The following CSMD1 variants were observed in gnomAD, a reference collection of about 807,000 sequenced individuals.
CSMD1 encodes CUB and Sushi multiple domains 1, also known as CUB and sushi domain-containing protein 1.
A neutral mutation model predicts 417.5 loss-of-function variants in CSMD1; 213 were observed. The observed-to-expected ratio is 0.51, with a 90% CI of 0.46 to 0.57. The LOEUF is 0.57. Ranked by LOEUF, CSMD1 falls within the 20% of genes least tolerant of loss-of-function variation. The pLI is 0.00. For synonymous variants in CSMD1, 2,862 were observed against 1,736.8 expected (o/e 1.65, Z -16.11); for missense variants, 6,923 against 4,529.7 (o/e 1.53, Z -15.17).
chr8:4,321,641 G>C (rs1799280473), intron 3 of CSMD1, among the ~76,000 whole-genome samples: 1 of 152,096 alleles, frequency 6.6e-6, no homozygotes, highest in African/African-American at 2.4e-5. Flanking sequence ...CCTCTGCAAA[G>C]TTTAATAGTG....
At chr8:3,695,591 G>C (rs773748120) in intron 7 of CSMD1, among the ~76,000 whole-genome samples, 7 of 152,112 alleles carry the variant, frequency 4.6e-5, no homozygotes, top group East Asian at 1.9e-4. Flanking sequence ...AAGGATGATA[G>C]TACTAGAGGA....
intron 3 of CSMD1, among the ~76,000 whole-genome samples, chr8:4,054,840 C>G (rs937814114): frequency 1.3e-5 from 2 of 152,086 alleles, no homozygotes; most frequent in Non-Finnish European, 2.9e-5. Context: ...CCACAGCAGC[C>G]CACTGTTTGG....
intron 4 of CSMD1, among the ~76,000 whole-genome samples, chr8:4,015,007 A>G (rs1454350375): frequency 2.0e-5 from 3 of 152,186 alleles, no homozygotes; most frequent in African/African-American, 4.8e-5. Context: ...AACCACGTAG[A>G]CCAGGTTTAC....
In CSMD1 at chr8:3,545,725, G is replaced by A. The variant is rs867172611; in HGVS notation, c.1344+29220C>T. Among the ~76,000 whole-genome samples, 7 of 152,238 alleles carry A rather than the reference G, an allele frequency of 4.6e-5. 1 individual carries two copies. In the South Asian group the frequency reaches 1.0e-3, roughly 23 times the overall value. On this transcript the variant is annotated intron_variant, in intron 10 of 69. Coordinates refer to ENST00000635120, the MANE Select transcript of CSMD1 (RefSeq NM_033225.6). ...GAATCACAGCCATTTGACAAGTAAT[G>A]GTGCTGATTATTTTAAAGGGCTACT...
chr8:3,811,045 G>C (rs1027246804), intron 5 of CSMD1, among the ~76,000 whole-genome samples: 1 of 152,184 alleles, frequency 6.6e-6, no homozygotes, highest in Non-Finnish European at 1.5e-5. Context: ...GGCAGGGGAT[G>C]AATCTTGAAT....
intron 10 of CSMD1, among the ~76,000 whole-genome samples, chr8:3,502,088 C>T (rs913178099): frequency 2.0e-5 from 3 of 152,068 alleles, no homozygotes; most frequent in African/African-American, 7.2e-5. Flanking sequence ...ACACCAACAG[C>T]TAAAAACGTA....
intron 12 of CSMD1, among the ~76,000 whole-genome samples, chr8:3,445,720 T>G (rs1815261941): frequency 6.6e-6 from 1 of 152,188 alleles, no homozygotes; most frequent in Admixed American, 6.5e-5. Context: ...TGAGGAGTTC[T>G]GATTTATTCG....
chr8:3,386,909 G>T (rs73657834), intron 18 of CSMD1, among the ~76,000 whole-genome samples: 2 of 152,146 alleles, frequency 1.3e-5, no homozygotes, highest in Non-Finnish European at 2.9e-5. Context: ...ATAGTATAAC[G>T]TTGAGCAATA....
At chr8:4,076,176 G>C (rs895055690) in intron 3 of CSMD1, among the ~76,000 whole-genome samples, 17 of 152,138 alleles carry the variant, frequency 1.1e-4, no homozygotes, top group African/African-American at 3.6e-4. Flanking sequence ...GTGTTCTCAC[G>C]ACAGTGAGTG....
At chr8:3,312,448 A>G (rs1805422070) in intron 23 of CSMD1, among the ~76,000 whole-genome samples, 1 of 152,182 alleles carries the variant, frequency 6.6e-6, no homozygotes. Flanking sequence ...TTTTTATAAA[A>G]TACATTCCTC....
chr8:4,332,213 G>A (rs79699225), intron 3 of CSMD1, among the ~76,000 whole-genome samples: 4 of 151,936 alleles, frequency 2.6e-5, no homozygotes, highest in Admixed American at 1.3e-4. Flanking sequence ...AAACAGGTGC[G>A]GATCCCTCAC....
At chr8:3,065,127 T>A (rs1377071139) in intron 49 of CSMD1, among the ~76,000 whole-genome samples, 1 of 152,124 alleles carries the variant, frequency 6.6e-6, no homozygotes, top group African/African-American at 2.4e-5. Flanking sequence ...AACCTGGAAA[T>A]CCTCATTTCA....
intron 5 of CSMD1, among the ~76,000 whole-genome samples, chr8:3,767,799 A>G (rs1445642542): frequency 6.6e-6 from 1 of 152,170 alleles, no homozygotes; most frequent in Admixed American, 6.5e-5. Flanking sequence ...TCTCACGTAC[A>G]CGGGCTTCCA....
intron 1 of CSMD1, among the ~76,000 whole-genome samples, chr8:4,724,332 G>C (rs2116924001): frequency 6.6e-6 from 1 of 152,180 alleles, no homozygotes; most frequent in Middle Eastern, 3.4e-3. Flanking sequence ...CTGATTATAT[G>C]AAGAGCTAAT....
intron 55 of CSMD1, among the ~76,000 whole-genome samples, chr8:2,977,979 A>C (rs1450442546): frequency 6.6e-6 from 1 of 152,196 alleles, no homozygotes; most frequent in Admixed American, 6.5e-5. Flanking sequence ...TGTTGGTGGA[A>C]TGTAAATTAG....
chr8:4,036,552 T>C (rs570734365), intron 3 of CSMD1, among the ~76,000 whole-genome samples: 1 of 152,342 alleles, frequency 6.6e-6, no homozygotes, highest in African/African-American at 2.4e-5. Context: ...AAAATATTTA[T>C]TCTGTTCAAT....
chr8:4,025,764 C>T (rs1020005604), intron 4 of CSMD1, among the ~76,000 whole-genome samples: 2 of 152,052 alleles, frequency 1.3e-5, no homozygotes, highest in Admixed American at 6.5e-5. Flanking sequence ...GATGTTTGTT[C>T]CCTGTTTAAG....
chr8:4,777,091 C>G (rs1796891669), intron 1 of CSMD1, among the ~76,000 whole-genome samples: 1 of 152,092 alleles, frequency 6.6e-6, no homozygotes, highest in Admixed American at 6.6e-5. Flanking sequence ...TTAGATCAGT[C>G]CTTGGTAATA....
intron 7 of CSMD1, among the ~76,000 whole-genome samples, chr8:3,699,070 T>G (rs1800710264): frequency 6.6e-6 from 1 of 152,154 alleles, no homozygotes; most frequent in African/African-American, 2.4e-5. Flanking sequence ...AAAGGCAGCA[T>G]GCATTCGCTG....
Sources: gnomAD v4.1 joint callset for allele counts (sites outside exome capture counted in the v4.1 genomes callset) on GRCh38, gnomAD v4.1.1 for gene constraint, MANE v1.5 for transcripts, NCBI Gene and HGNC (gene_info 2026-07-23, HGNC 2026-07-21) for gene names.